AGAP1: variants seen among roughly 807,000 people sequenced by gnomAD.
The protein encoded by AGAP1 is arf-GAP with GTPase, ANK repeat and PH domain-containing protein 1.
Under a neutral mutation model 105.3 loss-of-function variants are expected in AGAP1, and 29 were observed. The observed-to-expected ratio is 0.28, with a 90% CI of 0.21 to 0.38. AGAP1 has a LOEUF of 0.38. Ranked by LOEUF, AGAP1 falls within the 10% of genes least tolerant of loss-of-function variation. AGAP1 has a pLI of 1.00. For missense variants in AGAP1, 998 were observed against 1,165.1 expected, an observed-to-expected ratio of 0.86 and a Z score of 2.09; for synonymous variants, 509 against 485.9, an observed-to-expected ratio of 1.05 and a Z score of -0.63.
intron 1 of AGAP1, among the ~76,000 whole-genome samples, chr2:235,677,873 G>C (rs1948830886): frequency 8.7e-6 from 1 of 114,986 alleles, no homozygotes; most frequent in African/African-American, 3.5e-5. Flanking sequence ...TATTTATCCA[G>C]TTTCTGCCTT....
intron 2 of AGAP1, among the ~76,000 whole-genome samples, chr2:235,717,138 T>C (rs752532307): frequency 1.3e-5 from 2 of 152,064 alleles, no homozygotes; most frequent in Non-Finnish European, 2.9e-5. Flanking sequence ...GATGCTACCA[T>C]GCATGGGTCC....
rs1553564116 is a variant in AGAP1, at chr2:236,078,037, T to TTTTGTGTGTG, written c.2114+28757_2114+28758insTTGTGTGTGT. On this transcript the variant is annotated intron_variant, in intron 16 of 17. Transcript: ENST00000304032. This position sits in a 1 kb window ranked among gnomAD's most constrained non-coding sequence, Gnocchi z 5.3. ...AGGGTTCTCCAGAGAAACAACCAATTTGTGTGTGTGTGTGTGTGTGTGTGT... is the reference window on the plus strand; with the variant it reads ...AGGGTTCTCCAGAGAAACAACCAATTTTTGTGTGTGTGTGTGTGTGTGTGTGTGTGTGTGT... Among the ~76,000 whole-genome samples, 1 of 140,414 alleles carries TTTTGTGTGTG rather than the reference T, an allele frequency of 7.1e-6. No homozygotes were observed. The highest frequency in any genetic ancestry group is 1.5e-5 in the Non-Finnish European group (1 of 64,908). The allele number at this position is 140,414 out of a possible 152,430, so 92.1% of individuals were successfully genotyped here. A position where few individuals can be genotyped will look rare whatever the true frequency, so the allele number is the denominator to read the frequency against.
chr2:235,628,840 T>G (rs554085109), intron 1 of AGAP1, among the ~76,000 whole-genome samples: 1 of 152,176 alleles, frequency 6.6e-6, no homozygotes, highest in Non-Finnish European at 1.5e-5. Context: ...TGTTTGTTTT[T>G]TGACTCCGTT....
Position 235,681,843 on chromosome 2 carries a change from C to CTTT in AGAP1, c.164-27313_164-27311dup, listed in dbSNP as rs56934868. Reference sequence around the variant, plus strand: ...CCTATAAAGGGTCTAATTTAGTTTGCTTTTTTTTTTTTTTTTTTTTTTTTT... The same window carrying CTTT: ...CCTATAAAGGGTCTAATTTAGTTTGCTTTTTTTTTTTTTTTTTTTTTTTTTTTT... On this transcript the variant is annotated intron_variant, in intron 1 of 17. Coordinates refer to ENST00000304032, the MANE Select transcript of AGAP1 (RefSeq NM_001037131.3). Among the ~76,000 whole-genome samples, 72 of 78,328 alleles carry CTTT rather than the reference C, an allele frequency of 9.2e-4. 1 individual carries two copies. The highest frequency in any genetic ancestry group is 2.2e-3 in the South Asian group (3 of 1,390). 51.4% of individuals were successfully genotyped at this position (78,328 alleles called of 152,430 possible).
intron 8 of AGAP1, among the ~76,000 whole-genome samples, chr2:235,805,738 A>G (rs1211628100): frequency 6.6e-6 from 1 of 152,178 alleles, no homozygotes; most frequent in Non-Finnish European, 1.5e-5. Context: ...GAATTGATAA[A>G]TATCTCTATT....
At chr2:236,034,537 C>T (rs894318939) in intron 13 of AGAP1, among the ~76,000 whole-genome samples, 1 of 152,138 alleles carries the variant, frequency 6.6e-6, no homozygotes, top group Non-Finnish European at 1.5e-5. Context: ...ACCCTCCCAT[C>T]CTGACCTCTT....
At chr2:235,841,240 A>G (rs1202349669) in intron 9 of AGAP1, among the ~76,000 whole-genome samples, 1 of 152,198 alleles carries the variant, frequency 6.6e-6, no homozygotes, top group African/African-American at 2.4e-5. Context: ...TTCGCTTGGA[A>G]TAATAAATGA....
rs1236480186 is a variant in AGAP1 at position 236,109,042 on chromosome 2, A to G, written c.2115-11150A>G. Among the ~76,000 whole-genome samples, 2 of 152,232 alleles carry G rather than the reference A, an allele frequency of 1.3e-5. No homozygotes were observed. The highest frequency in any genetic ancestry group is 1.3e-4 in the Admixed American group (2 of 15,286). ...GCTGATGGTGGCTGTGTGAGACCTCATCTTTGCAGCTCTCAAATGCATGAG... is the reference window on the plus strand; with the variant it reads ...GCTGATGGTGGCTGTGTGAGACCTCGTCTTTGCAGCTCTCAAATGCATGAG... On this transcript the variant is annotated intron_variant, in intron 16 of 17. Transcript: ENST00000304032. This position sits in a 1 kb window ranked among gnomAD's most constrained non-coding sequence, Gnocchi z 5.4.
At chr2:235,507,960 A>G (rs1301931468) in intron 1 of AGAP1, among the ~76,000 whole-genome samples, 3 of 151,420 alleles carry the variant, frequency 2.0e-5, no homozygotes, top group Non-Finnish European at 2.9e-5. Flanking sequence ...CCCACCCTCC[A>G]CCCTCAAGCA....
chr2:235,771,122 C>T (rs892293281), intron 6 of AGAP1, among the ~76,000 whole-genome samples: 7 of 152,202 alleles, frequency 4.6e-5, no homozygotes, highest in Non-Finnish European at 4.4e-5. Context: ...GTCTCTGGGT[C>T]CGGCATGGCC....
chr2:235,497,688 G>GGGTTCACGCCATTCTCCTGCCTC (rs1241963765), intron 1 of AGAP1, among the ~76,000 whole-genome samples: 2 of 152,182 alleles, frequency 1.3e-5, no homozygotes, highest in East Asian at 3.9e-4. Flanking sequence ...GCTCCGCCCC[G>GGGTTCACGCCATTCTCCTGCCTC]GGTTCACGCC....
In AGAP1 at chr2:235,940,560, C is replaced by T. The variant is rs1192712998; in HGVS notation, c.1483+9637C>T. Among the ~76,000 whole-genome samples the T allele has an allele frequency of 2.6e-5, 4 of 152,316 alleles. No individual in the cohort carries two copies. The East Asian group carries it at 5.8e-4, about 22-fold the overall frequency. On this transcript the variant is annotated intron_variant, in intron 12 of 17. Coordinates refer to ENST00000304032, the MANE Select transcript of AGAP1 (RefSeq NM_001037131.3). ...GCTTCCGCCCAGACGTCAGCTCCAG[C>T]GTGTGTACATCACTGCAGACAGCCA...
At chr2:235,774,837 G>A (rs1955739148) in intron 6 of AGAP1, among the ~76,000 whole-genome samples, 1 of 152,138 alleles carries the variant, frequency 6.6e-6, no homozygotes, top group Non-Finnish European at 1.5e-5. Flanking sequence ...TCTGCGGTGG[G>A]TTGATCTGAG....
chr2:235,499,573 G>A (rs7608169), intron 1 of AGAP1, among the ~76,000 whole-genome samples: 3,597 of 152,196 alleles, frequency 0.024, 145 homozygotes, highest in African/African-American at 0.083. Flanking sequence ...CCGGCACCCG[G>A]GACCTCCACA....
chr2:236,086,991 A>C (rs995146572), intron 16 of AGAP1, among the ~76,000 whole-genome samples: 1 of 151,928 alleles, frequency 6.6e-6, no homozygotes, highest in African/African-American at 2.4e-5. Flanking sequence ...AAGTTTTGGC[A>C]AACACTCGGG....
chr2:236,048,736 G>T (rs1009405802), intron 15 of AGAP1, among the ~76,000 whole-genome samples: 1 of 152,194 alleles, frequency 6.6e-6, no homozygotes, highest in African/African-American at 2.4e-5. Context: ...TCCCACACAG[G>T]TCAGCCCTCT....
intron 13 of AGAP1, among the ~76,000 whole-genome samples, chr2:236,026,764 C>T (rs2057068949): frequency 6.6e-6 from 1 of 152,122 alleles, no homozygotes; most frequent in Non-Finnish European, 1.5e-5. Flanking sequence ...GACAGTAAGA[C>T]AAACTGTTGA....
rs113653748 is a variant in AGAP1 at position 235,549,628 on chromosome 2, G to T, written c.163+54779G>T. 1.9e-3 allele frequency among the ~76,000 whole-genome samples: 289 copies of T among 152,260 alleles called. 3 individuals are homozygous for T. The highest frequency in any genetic ancestry group is 6.3e-3 in the African/African-American group (260 of 41,546). On this transcript the variant is annotated intron_variant, in intron 1 of 17. Transcript: ENST00000304032. This position sits in a 1 kb window ranked among gnomAD's most constrained non-coding sequence, Gnocchi z 4.2. Reference sequence around the variant, plus strand: ...TACTTTTGTTTCTTTAAAACTCCTTGGCACCATCTAATTTTTTAAAAATGA... The same window carrying T: ...TACTTTTGTTTCTTTAAAACTCCTTTGCACCATCTAATTTTTTAAAAATGA...
Position 235,691,637 on chromosome 2 carries a change from ACT to A in AGAP1, c.164-17540_164-17539del, listed in dbSNP as rs1439025983. 1.3e-5 allele frequency among the ~76,000 whole-genome samples: 2 copies of A among 152,176 alleles called. No homozygotes were observed. Among genetic ancestry groups the A allele is most frequent in the Non-Finnish European group, 1.5e-5 (1 of 68,028 alleles). ...GCTGGACAGTGGACACCAGCGGGAGACTCAGTACAAATCATGTTGCTTTGGGC... is the reference window on the plus strand; with the variant it reads ...GCTGGACAGTGGACACCAGCGGGAGACAGTACAAATCATGTTGCTTTGGGC... On this transcript the variant is annotated intron_variant, in intron 1 of 17. Transcript: ENST00000304032. This position sits in a 1 kb window ranked among gnomAD's most constrained non-coding sequence, Gnocchi z 4.4.
Sources: allele counts gnomAD v4.1 joint callset (sites outside exome capture counted in the v4.1 genomes callset), GRCh38; gene constraint gnomAD v4.1.1; non-coding constraint Gnocchi (gnomAD v3.1); transcripts MANE v1.5; gene names NCBI Gene and HGNC (gene_info 2026-07-23, HGNC 2026-07-21).